STXBP4: variants seen among roughly 807,000 people sequenced by gnomAD.
STXBP4 encodes syntaxin binding protein 4.
In STXBP4, 55 loss-of-function variants were observed where a neutral mutation model predicts 76.1. That is an observed-to-expected ratio of 0.72 (90% CI 0.58 to 0.91). STXBP4 has a LOEUF of 0.91. STXBP4 is among the 40% of genes least tolerant of loss of function. STXBP4 has a pLI of 0.00. For synonymous variants in STXBP4, 201 were observed against 220.2 expected (o/e 0.91, Z 0.77); for missense variants, 618 against 636.9 (o/e 0.97, Z 0.32).
At position 55,128,622 on chromosome 17, in the gene STXBP4, T is replaced by C. The variant is rs116939543; in HGVS notation, c.1490-12688T>C. On this transcript the variant is annotated intron_variant, in intron 16 of 17. Coordinates refer to ENST00000376352, the MANE Select transcript of STXBP4 (RefSeq NM_178509.6). ...TTTGTTTGTTTGTTTGTTTGTTTGT[T>C]TGTCTGTTTGTTTTGAGGAGTCTCG... Among the ~76,000 whole-genome samples, 550 of 152,124 alleles carry C rather than the reference T, an allele frequency of 3.6e-3. 14 individuals carry two copies. Among genetic ancestry groups the C allele is most frequent in the Middle Eastern group, 0.027 (8 of 294 alleles).
chr17:55,123,502 A>G (rs1437045201), intron 16 of STXBP4, among the ~76,000 whole-genome samples: 1 of 152,184 alleles, frequency 6.6e-6, no homozygotes, highest in Admixed American at 6.5e-5. Flanking sequence ...AAGAGAAGAG[A>G]TAAAAGAGTT....
In STXBP4 at chr17:55,172,733, A is replaced by T. The variant is rs2080413740; in HGVS notation, c.*12822A>T. The T allele has an allele frequency of 6.6e-6, 1 of 152,176 alleles. No individual in the cohort carries two copies. The highest frequency in any genetic ancestry group is 6.5e-5 in the Admixed American group (1 of 15,272). 9.4% of individuals were successfully genotyped at this position (152,176 alleles called of 1,614,324 possible). A position where few individuals can be genotyped will look rare whatever the true frequency, so the allele number is the denominator to read the frequency against. Reference sequence around the variant, plus strand: ...CATATGAGAAAAAACTAAGGCTCGGATGAGTTATGTGACTTCCCTGAGTCA... The same window carrying T: ...CATATGAGAAAAAACTAAGGCTCGGTTGAGTTATGTGACTTCCCTGAGTCA... On this transcript the variant is annotated 3_prime_UTR_variant, in exon 18 of 18. Coordinates refer to ENST00000376352, the MANE Select transcript of STXBP4 (RefSeq NM_178509.6).
At chr17:55,109,512 A>C (rs1262779706) in intron 16 of STXBP4, among the ~76,000 whole-genome samples, 1 of 152,184 alleles carries the variant, frequency 6.6e-6, no homozygotes, top group Non-Finnish European at 1.5e-5. Context: ...TATAAGTATA[A>C]TATAAACTGA....
At chr17:55,113,258 C>G (rs1420742242) in intron 16 of STXBP4, among the ~76,000 whole-genome samples, 2 of 148,766 alleles carry the variant, frequency 1.3e-5, no homozygotes, top group East Asian at 4.0e-4. Context: ...CACACACACA[C>G]ACACGAGGTA....
At chr17:55,082,603 C>T (rs1231542936) in intron 16 of STXBP4, among the ~76,000 whole-genome samples, 1 of 152,030 alleles carries the variant, frequency 6.6e-6, no homozygotes. Context: ...GTTTAGCATT[C>T]CTAGTACCCT....
At chr17:55,017,884 C>A (rs576154312) in intron 8 of STXBP4, among the ~76,000 whole-genome samples, 1 of 152,186 alleles carries the variant, frequency 6.6e-6, no homozygotes, top group East Asian at 1.9e-4. Context: ...TTTAACTGGC[C>A]GACAGGTGCC....
At chr17:55,208,341 G>T in the STXBP4 span, among the ~76,000 whole-genome samples, 1 of 152,070 alleles carries the variant, frequency 6.6e-6, no homozygotes, top group South Asian at 2.1e-4. Context: ...CACCCAGTAC[G>T]GTGTGCTGTG....
intron 8 of STXBP4, among the ~76,000 whole-genome samples, chr17:55,011,618 G>A (rs548971053): frequency 5.6e-5 from 8 of 143,636 alleles, no homozygotes; most frequent in East Asian, 4.3e-4. Flanking sequence ...TTTATATCCC[G>A]ATCATTGTCC....
chr17:55,084,587 T>C (rs1255780937), intron 16 of STXBP4, among the ~76,000 whole-genome samples: 1 of 151,264 alleles, frequency 6.6e-6, no homozygotes, highest in Non-Finnish European at 1.5e-5. Context: ...AATGCCTAGG[T>C]TTTCTTCTAG....
At chr17:55,090,412 C>T (rs2079396138) in intron 16 of STXBP4, among the ~76,000 whole-genome samples, 2 of 152,026 alleles carry the variant, frequency 1.3e-5, no homozygotes, top group Non-Finnish European at 2.9e-5. Context: ...ACTTTTCACC[C>T]CACTCAGACT....
At chr17:55,053,266 A>G (rs2078883619) in intron 12 of STXBP4, among the ~76,000 whole-genome samples, 1 of 152,056 alleles carries the variant, frequency 6.6e-6, no homozygotes, top group Non-Finnish European at 1.5e-5. Context: ...ATCCTTATTC[A>G]TAGGAAATAT....
At chr17:54,983,844 A>G (rs1392018730) in intron 1 of STXBP4, among the ~76,000 whole-genome samples, 24 of 152,202 alleles carry the variant, frequency 1.6e-4, no homozygotes. Flanking sequence ...TTCCATGACT[A>G]TATCAGTCTT....
intron 7 of STXBP4, among the ~76,000 whole-genome samples, chr17:55,003,279 T>A (rs143506709): frequency 2.0e-5 from 3 of 152,332 alleles, no homozygotes; most frequent in African/African-American, 7.2e-5. Flanking sequence ...CCAGTCGCTA[T>A]AAGAATAGTG....
chr17:55,103,774 T>G (rs1766117706), intron 16 of STXBP4, among the ~76,000 whole-genome samples: 1 of 152,188 alleles, frequency 6.6e-6, no homozygotes. Flanking sequence ...GCATGGAATG[T>G]TTTTCCATTT....
At chr17:54,993,646 A>G (rs551543415) in intron 4 of STXBP4, among the ~76,000 whole-genome samples, 1 of 152,242 alleles carries the variant, frequency 6.6e-6, no homozygotes, top group African/African-American at 2.4e-5. Context: ...CTGTTTTAAC[A>G]TGTTAATAAA....
At chr17:54,999,222 ATTTTACT>A in intron 4 of STXBP4, 116 bp from the exon 5 acceptor site, 1 of 695,070 alleles carries the variant, frequency 1.4e-6, no homozygotes, top group East Asian at 2.8e-5. Context: ...GTTGTCTAAG[ATTTTACT>A]TTTTACTCTT....
chr17:55,132,813 T>C (rs1006953559), intron 16 of STXBP4, among the ~76,000 whole-genome samples: 11 of 152,034 alleles, frequency 7.2e-5, no homozygotes, highest in African/African-American at 2.7e-4. Flanking sequence ...GGATCACTGA[T>C]TGAACGACAC....
chr17:54,974,915 G>A (rs2077449874), intron 1 of STXBP4, among the ~76,000 whole-genome samples: 1 of 152,206 alleles, frequency 6.6e-6, no homozygotes, highest in Admixed American at 6.5e-5. Context: ...TAGGATGAGT[G>A]TGGTAATTTC....
chr17:55,138,536 G>A (rs1220177754), intron 16 of STXBP4, among the ~76,000 whole-genome samples: 16 of 152,016 alleles, frequency 1.1e-4, no homozygotes, highest in Admixed American at 1.0e-3. Flanking sequence ...ATCACTGATG[G>A]AAAGAATGTT....
Sources: allele counts gnomAD v4.1 joint callset (sites outside exome capture counted in the v4.1 genomes callset), GRCh38; gene constraint gnomAD v4.1.1; transcripts MANE v1.5; gene names NCBI Gene and HGNC (gene_info 2026-07-23, HGNC 2026-07-21).